Variants in TNRC6B observed in about 807,000 individuals in gnomAD.
The protein encoded by TNRC6B is trinucleotide repeat containing adaptor 6B, also known as trinucleotide repeat-containing gene 6B protein.
A neutral mutation model predicts 203.6 loss-of-function variants in TNRC6B; 52 were observed. The observed-to-expected ratio is 0.26, with a 90% confidence interval of 0.20 to 0.32. TNRC6B has a LOEUF of 0.32. Ranked by LOEUF, TNRC6B falls within the 10% of genes least tolerant of loss-of-function variation. The pLI is 1.00. For synonymous variants in TNRC6B, 838 were observed against 845.7 expected, an observed-to-expected ratio of 0.99 and a Z score of 0.16; for missense variants, 1,923 against 2,286.2, an observed-to-expected ratio of 0.84 and a Z score of 3.24.
At chr22:40,096,705 A>G (rs2068188448) in intron 1 of TNRC6B, among the ~76,000 whole-genome samples, 1 of 152,192 alleles carries the variant, frequency 6.6e-6, no homozygotes, top group African/African-American at 2.4e-5. Flanking sequence ...TATGCCAACG[A>G]ATGTCTATAA....
chr22:40,045,770 C>G (rs1436152547), intron 1 of TNRC6B, among the ~76,000 whole-genome samples: 1 of 152,172 alleles, frequency 6.6e-6, no homozygotes, highest in African/African-American at 2.4e-5. Flanking sequence ...TCCGATCCAG[C>G]GAGACACGCT....
At chr22:40,269,657 C>T (rs569199783) in intron 5 of TNRC6B, among the ~76,000 whole-genome samples, 2 of 151,974 alleles carry the variant, frequency 1.3e-5, no homozygotes, top group South Asian at 2.1e-4. Context: ...CTGAGCCAGG[C>T]AGATCACAAG....
At chr22:40,199,074 A>G (rs1230386390) in intron 1 of TNRC6B, among the ~76,000 whole-genome samples, 1 of 152,138 alleles carries the variant, frequency 6.6e-6, no homozygotes, top group Non-Finnish European at 1.5e-5. Context: ...ACATGCCAAA[A>G]GGACCCAGAG....
intron 1 of TNRC6B, among the ~76,000 whole-genome samples, chr22:40,239,778 C>G (rs1453579337): frequency 6.6e-6 from 1 of 152,124 alleles, no homozygotes; most frequent in Non-Finnish European, 1.5e-5. Flanking sequence ...GCATGCGGGG[C>G]AGTCTTGTTA....
chr22:40,287,230 A>G (rs2070798262), intron 12 of TNRC6B, among the ~76,000 whole-genome samples: 2 of 152,212 alleles, frequency 1.3e-5, no homozygotes, highest in South Asian at 2.1e-4. Context: ...GCTGGTCTCA[A>G]GCTCCTTGAC....
rs533690265 is a variant in TNRC6B, at chr22:40,330,680, T to C, written c.*7439T>C. The C allele has an allele frequency of 5.9e-5, 9 of 152,658 alleles. No individual in the cohort carries two copies. Among genetic ancestry groups the C allele is most frequent in the Non-Finnish European group, 1.2e-4 (8 of 68,044 alleles). 9.5% of individuals were successfully genotyped at this position (152,658 alleles called of 1,614,324 possible). A position where few individuals can be genotyped will look rare whatever the true frequency, so the allele number is the denominator to read the frequency against. On this transcript the variant is annotated 3_prime_UTR_variant, in exon 23 of 23. Transcript: ENST00000454349. ...AACATCATCCACCGCCCTTTTTAAA[T>C]TTTGTCTAAGGAATTACTTAAGTAT... is the stretch of plus-strand genomic sequence containing the variant.
chr22:40,120,203 C>G (rs2068430941), intron 2 of TNRC6B, among the ~76,000 whole-genome samples: 1 of 151,936 alleles, frequency 6.6e-6, no homozygotes, highest in African/African-American at 2.4e-5. Context: ...ACCATAAATA[C>G]AAAAATTAGC....
intron 1 of TNRC6B, among the ~76,000 whole-genome samples, chr22:40,073,926 G>C (rs944686126): frequency 6.6e-6 from 1 of 152,056 alleles, no homozygotes; most frequent in Non-Finnish European, 1.5e-5. Context: ...AAAATTAGTC[G>C]GGCATGGTGG....
At chr22:40,212,980 C>T (rs1012108268) in intron 1 of TNRC6B, among the ~76,000 whole-genome samples, 25 of 152,282 alleles carry the variant, frequency 1.6e-4, no homozygotes, top group African/African-American at 5.1e-4. Flanking sequence ...TTTCAGTTGC[C>T]ACATGTGGCT....
At chr22:40,188,449 C>T (rs879844451) in intron 1 of TNRC6B, among the ~76,000 whole-genome samples, 3 of 152,122 alleles carry the variant, frequency 2.0e-5, no homozygotes, top group Non-Finnish European at 2.9e-5. Flanking sequence ...TTTAGAAGTG[C>T]ATTTTGGTTA....
At chr22:40,090,574 A>G (rs960580875) in intron 1 of TNRC6B, among the ~76,000 whole-genome samples, 2 of 151,940 alleles carry the variant, frequency 1.3e-5, no homozygotes, top group Non-Finnish European at 2.9e-5. Context: ...TTCTTTGTAT[A>G]TTTTGGATAA....
In TNRC6B at chr22:40,233,620, C is replaced by CA. The variant is rs199768349; in HGVS notation, c.6-12381dup. 8.0e-3 allele frequency among the ~76,000 whole-genome samples: 1,037 copies of CA among 130,066 alleles called. 42 individuals carry two copies. The East Asian group carries it at 0.11, about 14-fold the overall frequency. The allele number at this position is 130,066 out of a possible 152,430, so 85.3% of individuals were successfully genotyped here. The stretch of plus-strand genomic sequence containing the variant: ...CTGGCAGCAGAGCAAGACTCCGTCT[C>CA]AAAAAAAAAAAAAATTATCTTACTT... On this transcript the variant is annotated intron_variant, in intron 1 of 22. Transcript: ENST00000454349.
At chr22:40,271,889 A>G (rs1225103545) in intron 6 of TNRC6B, among the ~76,000 whole-genome samples, 1 of 152,232 alleles carries the variant, frequency 6.6e-6, no homozygotes, top group East Asian at 1.9e-4. Context: ...TTACCCTGTG[A>G]TCTTCTGTAG....
chr22:40,228,096 G>T (rs1279084934), intron 1 of TNRC6B, among the ~76,000 whole-genome samples: 1 of 152,134 alleles, frequency 6.6e-6, no homozygotes, highest in Non-Finnish European at 1.5e-5. Flanking sequence ...GGCCCTTAAG[G>T]TGTAAACATA....
chr22:40,142,816 T>A (rs902882255), intron 3 of TNRC6B, among the ~76,000 whole-genome samples: 2 of 152,124 alleles, frequency 1.3e-5, no homozygotes, highest in Non-Finnish European at 2.9e-5. Flanking sequence ...TAGAAAAAAA[T>A]TATCCAAAGA....
At chr22:40,158,140 C>T (rs1005442673) in intron 4 of TNRC6B, among the ~76,000 whole-genome samples, 4 of 151,978 alleles carry the variant, frequency 2.6e-5, no homozygotes, top group Non-Finnish European at 5.9e-5. Flanking sequence ...GAGTTCAAGA[C>T]CAGCCTGACC....
chr22:40,231,685 A>G (rs2069872090), intron 1 of TNRC6B, among the ~76,000 whole-genome samples: 1 of 152,188 alleles, frequency 6.6e-6, no homozygotes, highest in African/African-American at 2.4e-5. Context: ...AAAGATTTTA[A>G]TATAGGGAAT....
chr22:40,254,082 A>T (rs1361903717), intron 3 of TNRC6B, among the ~76,000 whole-genome samples: 2 of 152,162 alleles, frequency 1.3e-5, no homozygotes, highest in Admixed American at 1.3e-4. Flanking sequence ...AACTGTGAGA[A>T]TTCTGTGAGG....
In TNRC6B at chr22:40,105,578, G is replaced by A. The variant is rs5757851; in HGVS notation, c.-120-11477G>A. Among the ~76,000 whole-genome samples the A allele has an allele frequency of 1.3e-3, 199 of 152,122 alleles. 3 individuals carry two copies. In the East Asian group the frequency reaches 0.032, roughly 25 times the overall value. ...TATGCTGTATCTCCTTTTGTGTCTC[G>A]TCCTTATGTTTGCGAGATTCATCCA... On this transcript the variant is annotated intron_variant, in intron 1 of 23. Coordinates refer to the TNRC6B transcript ENST00000301923.
Sources: gnomAD v4.1 joint callset for allele counts (sites outside exome capture counted in the v4.1 genomes callset) on GRCh38, gnomAD v4.1.1 for gene constraint, MANE v1.5 for transcripts, NCBI Gene and HGNC (gene_info 2026-07-23, HGNC 2026-07-21) for gene names.